VPS26C: variants seen among roughly 807,000 people sequenced by gnomAD.
VPS26C encodes the protein VPS26 endosomal protein sorting factor C.
A neutral mutation model predicts 30.6 loss-of-function variants in VPS26C; 19 were observed. That is an observed-to-expected ratio of 0.62 (90% CI 0.43 to 0.91). The LOEUF is 0.91. VPS26C is among the 40% of genes least tolerant of loss of function. The pLI is 0.00. For missense variants in VPS26C, 318 were observed against 385.1 expected, an observed-to-expected ratio of 0.83 and a Z score of 1.46; for synonymous variants, 132 against 151.5, an observed-to-expected ratio of 0.87 and a Z score of 0.95.
chr21:37,227,762 T>C lies in VPS26C; in HGVS notation c.703A>G (p.Ile235Val). 2 of 1,614,180 alleles carry C rather than the reference T, an allele frequency of 1.2e-6. No individual in the cohort carries two copies. Among genetic ancestry groups the C allele is most frequent in the Non-Finnish European group, 1.7e-6 (2 of 1,180,042 alleles). Reference sequence around the variant, plus strand: ...CACACATCCCCGTCGGCGATCTGAATGTTCTGAATCTCCGTGGCGTCGCGG... The same window carrying C: ...CACACATCCCCGTCGGCGATCTGAACGTTCTGAATCTCCGTGGCGTCGCGG... ...YARDATEIQN[I>V]QIADGDVCRG... The change falls in exon 7 of 8, where the codon ATT becomes GTT. Residue 235 changes from isoleucine to valine, a missense_variant. Coordinates refer to ENST00000309117, the MANE Select transcript of VPS26C (RefSeq NM_006052.2).
chr21:37,249,504 T>G (rs890253688), intron 1 of VPS26C, among the ~76,000 whole-genome samples: 1 of 152,162 alleles, frequency 6.6e-6, no homozygotes, highest in Non-Finnish European at 1.5e-5. Flanking sequence ...TCACAGGAAA[T>G]GTCTAAAACT....
intron 7 of VPS26C, 33 bp from the exon 8 acceptor site, chr21:37,225,659 ACT>A (rs1569229319): frequency 6.3e-7 from 1 of 1,578,032 alleles, no homozygotes; most frequent in Admixed American, 1.7e-5. Flanking sequence ...GTTTGTGCTC[ACT>A]GTTACCAAGC....
chr21:37,235,881 T>C (rs867676309), intron 3 of VPS26C, among the ~76,000 whole-genome samples: 1 of 139,670 alleles, frequency 7.2e-6, no homozygotes, highest in Non-Finnish European at 1.6e-5. Flanking sequence ...ATATATATAT[T>C]TTTTTTTTTA....
intron 1 of VPS26C, among the ~76,000 whole-genome samples, chr21:37,262,136 A>G (rs1166167840): frequency 6.6e-6 from 1 of 152,218 alleles, no homozygotes; most frequent in African/African-American, 2.4e-5. Context: ...AGTCACATTA[A>G]AAAACTGCTG....
At chr21:37,236,579 T>A in intron 3 of VPS26C, among the ~76,000 whole-genome samples, 1 of 152,204 alleles carries the variant, frequency 6.6e-6, no homozygotes, top group East Asian at 1.9e-4. Context: ...TGAGATGAAG[T>A]ATCAAGACTC....
intron 1 of VPS26C, among the ~76,000 whole-genome samples, chr21:37,246,784 G>C (rs901860126): frequency 3.9e-5 from 6 of 152,174 alleles, no homozygotes; most frequent in African/African-American, 1.4e-4. Context: ...TTTTAAGACA[G>C]GGTCTTATTG....
intron 2 of VPS26C, among the ~76,000 whole-genome samples, chr21:37,239,926 C>T (rs1223820436): frequency 1.3e-5 from 2 of 152,154 alleles, no homozygotes; most frequent in African/African-American, 2.4e-5. Flanking sequence ...GAAATTAATA[C>T]ATTTATAGTT....
upstream of VPS26C, chr21:37,267,468 G>C (rs1248908463): frequency 2.9e-5 from 17 of 587,788 alleles, no homozygotes; most frequent in East Asian, 5.1e-4. Flanking sequence ...GAATGCCCAC[G>C]CCTTCCTCCT....
chr21:37,232,386 G>A lies in VPS26C; in HGVS notation c.498C>T (p.Asn166=), dbSNP rs757477154. 9 of 1,613,930 alleles carry A rather than the reference G, an allele frequency of 5.6e-6. No homozygotes were observed. Among genetic ancestry groups the A allele is most frequent in the African/African-American group, 4.0e-5 (3 of 74,920 alleles). Residue 166 remains asparagine (N), a synonymous_variant, in exon 5 of 8, where the codon AAC becomes AAT. Transcript: ENST00000309117. ...GTGCAGGACGTCTTACCTCTTTGAC[G>A]TTCTGTAAGGTTTCAGGTGTAATCG... ...DFTITPETLQ[N]VKERALLPKF... is the part of the protein sequence containing the mutation.
intron 1 of VPS26C, among the ~76,000 whole-genome samples, chr21:37,265,953 T>C (rs1338016196): frequency 6.8e-6 from 1 of 147,380 alleles, no homozygotes; most frequent in Non-Finnish European, 1.5e-5. Context: ...GGTCTCACTC[T>C]GTTGCCCAGG....
Position 37,225,644 on chromosome 21 carries a change from G to A in VPS26C, c.812-18C>T, listed in dbSNP as rs1348952464. On this transcript the variant is annotated intron_variant, in intron 7 of 7. Transcript: ENST00000309117. The stretch of plus-strand genomic sequence containing the variant: ...CTCAAATTCTGAGAAGAGAAGAGAG[G>A]GTGGGTTTGTGCTCACTGTTACCAA... 1.9e-6 allele frequency: 3 copies of A among 1,607,026 alleles called. No individual in the cohort carries two copies. Among genetic ancestry groups the A allele is most frequent in the African/African-American group, 1.3e-5 (1 of 74,864 alleles).
In VPS26C at chr21:37,251,168, C is replaced by A. The variant is rs2154540; in HGVS notation, c.58-10529G>T. On this transcript the variant is annotated intron_variant, in intron 1 of 7. Transcript: ENST00000309117. ...AACCTGAAATGTTGCAACCTCGTGC[C>A]GGCTATTTGGCAAGACCAAAAACAT... 7.5e-3 allele frequency among the ~76,000 whole-genome samples: 1,134 copies of A among 152,158 alleles called. 10 individuals carry two copies. The highest frequency in any genetic ancestry group is 0.026 in the African/African-American group (1,075 of 41,530).
intron 1 of VPS26C, among the ~76,000 whole-genome samples, chr21:37,263,461 T>G (rs978610628): frequency 1.4e-4 from 22 of 152,180 alleles, no homozygotes; most frequent in African/African-American, 5.1e-4. Context: ...CTGATCTGAG[T>G]TGGAATCCAG....
chr21:37,236,582 C>CA (rs1383264467), intron 3 of VPS26C, among the ~76,000 whole-genome samples: 1 of 152,070 alleles, frequency 6.6e-6, no homozygotes, highest in African/African-American at 2.4e-5. Flanking sequence ...GATGAAGTAT[C>CA]AAGACTCTGA....
At position 37,251,642 on chromosome 21, in the gene VPS26C, T is replaced by C. The variant is rs73903515; in HGVS notation, c.58-11003A>G. On this transcript the variant is annotated intron_variant, in intron 1 of 7. Coordinates refer to ENST00000309117, the MANE Select transcript of VPS26C (RefSeq NM_006052.2). The stretch of plus-strand genomic sequence containing the variant: ...AGAAGCCCTTGATGAATAGGGTGGG[T>C]GAGGCAGGGGGTATCGATCTTGAAA... Among the ~76,000 whole-genome samples the C allele has an allele frequency of 6.4e-3, 971 of 152,262 alleles. 11 individuals are homozygous for C. Among genetic ancestry groups the C allele is most frequent in the African/African-American group, 0.022 (908 of 41,552 alleles).
At chr21:37,264,864 G>A (rs755814188) in intron 1 of VPS26C, among the ~76,000 whole-genome samples, 5 of 152,138 alleles carry the variant, frequency 3.3e-5, no homozygotes, top group Admixed American at 6.5e-5. Context: ...TATTAATAGC[G>A]AAAAGGTAGA....
At chr21:37,251,007 T>C (rs574767175) in intron 1 of VPS26C, among the ~76,000 whole-genome samples, 1 of 150,124 alleles carries the variant, frequency 6.7e-6, no homozygotes, top group East Asian at 1.9e-4. Flanking sequence ...GGAATGCAGA[T>C]TGTTCCTAAA....
chr21:37,250,033 G>T (rs1569238855), intron 1 of VPS26C, among the ~76,000 whole-genome samples: 1 of 152,238 alleles, frequency 6.6e-6, no homozygotes, highest in Non-Finnish European at 1.5e-5. Context: ...GCCGGGCAGG[G>T]TGGCTCACGC....
chr21:37,262,655 G>A (rs535046077), intron 1 of VPS26C, among the ~76,000 whole-genome samples: 20 of 152,338 alleles, frequency 1.3e-4, no homozygotes, highest in Admixed American at 1.1e-3. Context: ...GTGTGCACAC[G>A]TGTGTCTGGA....
Sources: gnomAD v4.1 joint callset for allele counts (sites outside exome capture counted in the v4.1 genomes callset) on GRCh38, gnomAD v4.1.1 for gene constraint, MANE v1.5 for transcripts, NCBI Gene and HGNC (gene_info 2026-07-23, HGNC 2026-07-21) for gene names.